Variants in GRM5 observed in about 807,000 individuals in gnomAD.
GRM5 encodes metabotropic glutamate receptor 5.
GRM5 carries 19 observed loss-of-function variants against 83.1 expected under a neutral mutation model. The observed-to-expected ratio is 0.23, with a 90% CI of 0.16 to 0.34. The LOEUF (loss-of-function observed/expected upper bound fraction) is 0.34. Among genes scored for constraint, GRM5 ranks in the 10% least tolerant of loss-of-function variants. The pLI is 1.00. For synonymous variants in GRM5, 675 were observed against 633.6 expected (o/e 1.07, Z -0.98); for missense variants, 1,160 against 1,588.3 (o/e 0.73, Z 4.58).
intron 2 of GRM5, among the ~76,000 whole-genome samples, chr11:88,902,388 G>T (rs1331350325): frequency 1.3e-5 from 2 of 152,008 alleles, no homozygotes; most frequent in African/African-American, 2.4e-5. Flanking sequence ...GCTTTTGTGA[G>T]GATTAAGTGG....
chr11:88,977,510 A>C (rs1939380244), intron 2 of GRM5, among the ~76,000 whole-genome samples: 1 of 152,142 alleles, frequency 6.6e-6, no homozygotes, highest in Non-Finnish European at 1.5e-5. Context: ...AGTCTTTAAA[A>C]AACTGAGTTC....
At chr11:88,788,682 G>T (rs778113430) in intron 3 of GRM5, among the ~76,000 whole-genome samples, 4 of 152,130 alleles carry the variant, frequency 2.6e-5, no homozygotes, top group Admixed American at 6.5e-5. Context: ...GATGGAAGTA[G>T]ATTAAAACAT....
chr11:88,870,919 A>C (rs928187823), intron 2 of GRM5, among the ~76,000 whole-genome samples: 23 of 151,478 alleles, frequency 1.5e-4, no homozygotes, highest in Admixed American at 1.5e-3. Flanking sequence ...AATAATAATA[A>C]TAGATTGAAT....
At chr11:88,997,333 T>TAAAAAAAAAAAA (rs371168643) in intron 2 of GRM5, among the ~76,000 whole-genome samples, 2 of 119,718 alleles carry the variant, frequency 1.7e-5, no homozygotes, top group Non-Finnish European at 3.5e-5. Flanking sequence ...GTCTCAAAAT[T>TAAAAAAAAAAAA]AAAAAAAAAA....
At chr11:88,997,256 G>A (rs1197923709) in intron 2 of GRM5, among the ~76,000 whole-genome samples, 3 of 151,420 alleles carry the variant, frequency 2.0e-5, no homozygotes, top group Non-Finnish European at 4.4e-5. Context: ...GAACCCAAGA[G>A]GCGGAGGTTG....
At position 89,047,256 on chromosome 11, in the gene GRM5, A is replaced by G; in HGVS notation, c.617T>C (p.Val206Ala). 6.2e-7 allele frequency: 1 copy of G among 1,614,032 alleles called. No homozygotes were observed. The highest frequency in any genetic ancestry group is 8.5e-7 in the Non-Finnish European group (1 of 1,179,932). Residue 206 changes from valine to alanine, a missense_variant, in exon 2 of 10, where the codon GTG (valine) becomes GCG (alanine). By Grantham distance (64) the Val-to-Ala change is moderately conservative (BLOSUM62 0). Transcript: ENST00000305447. The surrounding 1 kb of genome is among the most constrained non-coding windows in gnomAD (Gnocchi z 5.1). ...TACATAGGTCCAGTTGTACCTCTTC[A>G]CTATGTCCACCATGGCCCTTGCCTG... is the stretch of plus-strand genomic sequence containing the variant. ...AQQARAMVDI[V>A]KRYNWTYVSA... is the part of the protein sequence containing the mutation.
At chr11:88,735,939 C>A (rs1436261707) in intron 3 of GRM5, among the ~76,000 whole-genome samples, 3 of 151,322 alleles carry the variant, frequency 2.0e-5, no homozygotes, top group Non-Finnish European at 2.9e-5. Context: ...GCTGGAGCAA[C>A]CATATGGCCT....
At chr11:88,673,606 T>C (rs6416013) in intron 3 of GRM5, among the ~76,000 whole-genome samples, 145,927 of 151,890 alleles carry the variant, frequency 0.96, 70,387 homozygotes, top group East Asian at 1. Context: ...CTGCATGTTA[T>C]GAGCAATTGA....
chr11:88,967,414 A>T (rs1163368794), intron 2 of GRM5, among the ~76,000 whole-genome samples: 1 of 66,104 alleles, frequency 1.5e-5, no homozygotes, highest in African/African-American at 5.9e-5. Context: ...TAATGAACAG[A>T]AATTTATTTC....
chr11:88,618,081 A>G (rs925818484), intron 4 of GRM5, among the ~76,000 whole-genome samples: 7 of 152,226 alleles, frequency 4.6e-5, no homozygotes, highest in South Asian at 2.1e-4. Context: ...TGACCACTCA[A>G]TGAGGCATAT....
At chr11:89,065,269 G>T (rs930013953) in intron 1 of GRM5, among the ~76,000 whole-genome samples, 1 of 147,266 alleles carries the variant, frequency 6.8e-6, no homozygotes, top group African/African-American at 2.5e-5. Context: ...CTTGCCTTTC[G>T]TGCACATGTA....
At chr11:88,660,789 C>T (rs1939885449) in intron 3 of GRM5, among the ~76,000 whole-genome samples, 1 of 152,180 alleles carries the variant, frequency 6.6e-6, no homozygotes. Context: ...GTTTCACACT[C>T]CTAAGCCTTT....
intron 2 of GRM5, among the ~76,000 whole-genome samples, chr11:88,941,799 C>T (rs749612368): frequency 1.7e-4 from 26 of 151,914 alleles, no homozygotes; most frequent in Admixed American, 7.2e-4. Flanking sequence ...CCTACTGATG[C>T]GATGATGTGG....
At chr11:88,603,000 T>C (rs924216297) in intron 5 of GRM5, among the ~76,000 whole-genome samples, 1 of 152,136 alleles carries the variant, frequency 6.6e-6, no homozygotes, top group African/African-American at 2.4e-5. Context: ...TATTCATGGG[T>C]TAATGTTATA....
At chr11:88,830,508 C>T (rs1054902032) in intron 3 of GRM5, among the ~76,000 whole-genome samples, 3 of 152,066 alleles carry the variant, frequency 2.0e-5, no homozygotes, top group Non-Finnish European at 2.9e-5. Flanking sequence ...CAGAAAACAC[C>T]TAAGGCAGAA....
intron 3 of GRM5, among the ~76,000 whole-genome samples, chr11:88,741,384 A>G (rs913626341): frequency 3.3e-5 from 5 of 152,112 alleles, no homozygotes; most frequent in African/African-American, 1.2e-4. Context: ...GTTTAGGCCT[A>G]CAGTGATTAG....
intron 3 of GRM5, among the ~76,000 whole-genome samples, chr11:88,707,239 A>G (rs536860486): frequency 1.5e-4 from 23 of 152,246 alleles, no homozygotes; most frequent in Admixed American, 9.8e-4. Context: ...AGTAGCTATC[A>G]CATATAGAAT....
intron 7 of GRM5, among the ~76,000 whole-genome samples, chr11:88,589,086 G>A (rs1222320770): frequency 1.3e-5 from 2 of 152,064 alleles, no homozygotes; most frequent in Non-Finnish European, 2.9e-5. Context: ...GTTAGTTGAC[G>A]ATGCAAGACA....
chr11:88,764,590 C>T (rs1394983584), intron 3 of GRM5, among the ~76,000 whole-genome samples: 1 of 104,584 alleles, frequency 9.6e-6, no homozygotes, highest in East Asian at 2.1e-4. Context: ...AATAAATAAC[C>T]ATTCTTAGAC....
Sources: allele counts gnomAD v4.1 joint callset (sites outside exome capture counted in the v4.1 genomes callset), GRCh38; gene constraint gnomAD v4.1.1; non-coding constraint Gnocchi (gnomAD v3.1); transcripts MANE v1.5; gene names NCBI Gene and HGNC (gene_info 2026-07-23, HGNC 2026-07-21).